The following NEMP2 variants were observed in gnomAD, a reference collection of about 807,000 sequenced individuals.
NEMP2 encodes UPF0571 transmembrane protein.
A neutral mutation model predicts 54.2 loss-of-function variants in NEMP2; 53 were observed. The ratio of observed to expected loss-of-function variants is 0.98; its 90% confidence interval spans 0.78 to 1.23. NEMP2 has a LOEUF of 1.23. Among genes scored for constraint, NEMP2 ranks in the 50% most tolerant of loss-of-function variants. NEMP2 has a pLI of 0.00. For missense variants in NEMP2, 455 were observed against 511.3 expected, an observed-to-expected ratio of 0.89 and a Z score of 1.06; for synonymous variants, 197 against 190.3, an observed-to-expected ratio of 1.04 and a Z score of -0.29.
At chr2:190,564,940 TG>T in the NEMP2 span, among the ~76,000 whole-genome samples, 1 of 152,178 alleles carries the variant, frequency 6.6e-6, no homozygotes, top group Non-Finnish European at 1.5e-5. The surrounding 1 kb of genome is among the most constrained non-coding windows in gnomAD (Gnocchi z 4.2). Context: ...GTGTGTGCAG[TG>T]GGGTGTACTG....
Position 190,520,962 on chromosome 2 carries a change from T to C in NEMP2, c.214-1779A>G, listed in dbSNP as rs1690732319. ...TACACCATTCCCTGGCACATACCCT[T>C]GACTCCTTTGTACCCCTCTTGCTTT... On this transcript the variant is annotated intron_variant, in intron 2 of 8. Coordinates refer to ENST00000409150, the MANE Select transcript of NEMP2 (RefSeq NM_001142645.2). The surrounding 1 kb of genome is among the most constrained non-coding windows in gnomAD (Gnocchi z 5.4). 6.6e-6 allele frequency among the ~76,000 whole-genome samples: 1 copy of C among 152,160 alleles called. No individual in the cohort carries two copies. The highest frequency in any genetic ancestry group is 2.4e-5 in the African/African-American group (1 of 41,418).
chr2:190,534,144 GT>G (rs1380093224), intron 1 of NEMP2: 1 of 997,378 alleles, frequency 1.0e-6, no homozygotes, highest in Non-Finnish European at 1.2e-6. Context: ...ATGCGAGATA[GT>G]GAAATAACAA....
chr2:190,511,577 CA>C (rs1305563164), intron 7 of NEMP2, among the ~76,000 whole-genome samples: 1 of 139,586 alleles, frequency 7.2e-6, no homozygotes, highest in Non-Finnish European at 1.5e-5. Context: ...TTTTTTGAGC[CA>C]GAGTCTCGCT....
the NEMP2 span, chr2:190,610,179 T>C: frequency 1.3e-5 from 2 of 152,186 alleles, no homozygotes; most frequent in African/African-American, 4.8e-5. This position sits in a 1 kb window ranked among gnomAD's most constrained non-coding sequence, Gnocchi z 5.4. Context: ...AAACATAATT[T>C]TTCTCTCTTC....
the NEMP2 span, among the ~76,000 whole-genome samples, chr2:190,556,403 C>G: frequency 6.6e-6 from 1 of 152,196 alleles, no homozygotes. Flanking sequence ...GAAGCATTCC[C>G]TTTGAAAACC....
At chr2:190,431,167 C>T in the NEMP2 span, among the ~76,000 whole-genome samples, 2 of 151,812 alleles carry the variant, frequency 1.3e-5, no homozygotes, top group African/African-American at 2.4e-5. This position sits in a 1 kb window ranked among gnomAD's most constrained non-coding sequence, Gnocchi z 4.4. Context: ...CAGAGACGCT[C>T]CTCACTTCCC....
At chr2:190,642,204 GTTT>G in the NEMP2 span, among the ~76,000 whole-genome samples, 30 of 151,908 alleles carry the variant, frequency 2.0e-4, no homozygotes, top group South Asian at 2.3e-3. The surrounding 1 kb of genome is among the most constrained non-coding windows in gnomAD (Gnocchi z 4.1). Context: ...ACCATCTCGG[GTTT>G]TTTTTTTGTT....
the NEMP2 span, among the ~76,000 whole-genome samples, chr2:190,430,357 CCG>C: frequency 7.1e-4 from 107 of 151,294 alleles, no homozygotes; most frequent in Non-Finnish European, 1.3e-3. Flanking sequence ...CTGCGGCCTT[CCG>C]CAGTGTTTGT....
the NEMP2 span, among the ~76,000 whole-genome samples, chr2:190,424,727 G>A: frequency 6.6e-6 from 1 of 151,918 alleles, no homozygotes; most frequent in African/African-American, 2.4e-5. This position sits in a 1 kb window ranked among gnomAD's most constrained non-coding sequence, Gnocchi z 5.9. Flanking sequence ...TTGCATCTTT[G>A]TTAAAAAACA....
At chr2:190,456,417 G>A in the NEMP2 span, among the ~76,000 whole-genome samples, 135 of 152,352 alleles carry the variant, frequency 8.9e-4, 1 homozygote, top group East Asian at 0.024. This position sits in a 1 kb window ranked among gnomAD's most constrained non-coding sequence, Gnocchi z 5.4. Context: ...GCCTGGCTCA[G>A]ACTCTTCGTT....
In NEMP2 at chr2:190,519,216, G is replaced by T. The variant is rs1329179041; in HGVS notation, c.214-33C>A. On this transcript the variant is annotated intron_variant, in intron 2 of 8. Transcript: ENST00000409150. The surrounding 1 kb of genome is among the most constrained non-coding windows in gnomAD (Gnocchi z 5.4). ...ACAAGAACAAGCAAATCCATAAACA[G>T]AATAACTTCTCTTTTTTGTTTTGGA... 1.4e-6 allele frequency: 2 copies of T among 1,412,528 alleles called. No individual in the cohort carries two copies. The highest frequency in any genetic ancestry group is 2.5e-5 in the South Asian group (2 of 80,604). 87.5% of individuals were successfully genotyped at this position (1,412,528 alleles called of 1,614,324 possible). A position where few individuals can be genotyped will look rare whatever the true frequency, so the allele number is the denominator to read the frequency against.
downstream of NEMP2, chr2:190,500,266 C>T: frequency 6.2e-7 from 1 of 1,604,448 alleles, no homozygotes; most frequent in Non-Finnish European, 8.5e-7. This position sits in a 1 kb window ranked among gnomAD's most constrained non-coding sequence, Gnocchi z 5.3. Context: ...GCTCCTCAGC[C>T]AGGACACAGG....
At chr2:190,556,310 G>A in the NEMP2 span, among the ~76,000 whole-genome samples, 1 of 152,118 alleles carries the variant, frequency 6.6e-6, no homozygotes, top group Non-Finnish European at 1.5e-5. Flanking sequence ...AATAAACTAG[G>A]CATTGATGGA....
At chr2:190,433,267 G>A in the NEMP2 span, 1 of 152,084 alleles carries the variant, frequency 6.6e-6, no homozygotes, top group Non-Finnish European at 1.5e-5. This position sits in a 1 kb window ranked among gnomAD's most constrained non-coding sequence, Gnocchi z 4.5. Context: ...TGAATTTTGA[G>A]CTCAGGAATT....
At chr2:190,618,122 G>A in the NEMP2 span, among the ~76,000 whole-genome samples, 1 of 152,222 alleles carries the variant, frequency 6.6e-6, no homozygotes, top group African/African-American at 2.4e-5. Flanking sequence ...CAAGACCTGA[G>A]CAGGTTCTCT....
At chr2:190,457,203 G>A in the NEMP2 span, among the ~76,000 whole-genome samples, 1 of 152,176 alleles carries the variant, frequency 6.6e-6, no homozygotes, top group Non-Finnish European at 1.5e-5. The surrounding 1 kb of genome is among the most constrained non-coding windows in gnomAD (Gnocchi z 5.1). Context: ...TGGTCTGGCA[G>A]GGGGATGGGG....
At chr2:190,626,293 T>C in the NEMP2 span, 5 of 152,086 alleles carry the variant, frequency 3.3e-5, no homozygotes, top group African/African-American at 7.2e-5. This position sits in a 1 kb window ranked among gnomAD's most constrained non-coding sequence, Gnocchi z 4.5. Flanking sequence ...AGTAGTGACA[T>C]AGAAGCATTA....
upstream of NEMP2, among the ~76,000 whole-genome samples, chr2:190,537,767 C>T (rs192982944): frequency 2.0e-5 from 3 of 152,284 alleles, no homozygotes; most frequent in Admixed American, 1.3e-4. Flanking sequence ...AACCCAGCTG[C>T]AGAAGTTTGC....
At chr2:190,613,723 G>T in the NEMP2 span, among the ~76,000 whole-genome samples, 3 of 152,086 alleles carry the variant, frequency 2.0e-5, no homozygotes, top group African/African-American at 7.2e-5. Flanking sequence ...AAGTAGCTGG[G>T]ATTACAGGTG....
Sources: gnomAD v4.1 joint callset for allele counts (sites outside exome capture counted in the v4.1 genomes callset) on GRCh38, gnomAD v4.1.1 for gene constraint, Gnocchi (gnomAD v3.1) non-coding constraint, MANE v1.5 for transcripts, NCBI Gene and HGNC (gene_info 2026-07-23, HGNC 2026-07-21) for gene names.